Variants in MORC1 observed in about 807,000 individuals in gnomAD.
The protein encoded by MORC1 is MORC family CW-type zinc finger protein 1.
A neutral mutation model predicts 134.9 loss-of-function variants in MORC1; 59 were observed. That is an observed-to-expected ratio of 0.44 (90% CI 0.35 to 0.54). MORC1 has a LOEUF of 0.54. Among genes scored for constraint, MORC1 ranks in the 20% least tolerant of loss-of-function variants. The pLI is 0.00. For missense variants in MORC1, 947 were observed against 1,134.5 expected, an observed-to-expected ratio of 0.83 and a Z score of 2.37; for synonymous variants, 395 against 391.7, an observed-to-expected ratio of 1.01 and a Z score of -0.10.
chr3:109,039,842 C>T (rs922944173), intron 14 of MORC1, among the ~76,000 whole-genome samples: 3 of 152,144 alleles, frequency 2.0e-5, no homozygotes, highest in Non-Finnish European at 4.4e-5. Context: ...AAGCCCCTCC[C>T]CTTCTAGCTG....
At chr3:109,063,327 ATAAT>A in intron 9 of MORC1, 96 bp from the exon 10 acceptor site, 1 of 661,642 alleles carries the variant, frequency 1.5e-6, no homozygotes, top group Non-Finnish European at 2.4e-6. Context: ...CCAGAGATAC[ATAAT>A]TATTAAGAAA....
At chr3:108,977,922 G>A (rs1374011364) in intron 24 of MORC1, among the ~76,000 whole-genome samples, 1 of 152,126 alleles carries the variant, frequency 6.6e-6, no homozygotes, top group Non-Finnish European at 1.5e-5. Flanking sequence ...CTGTCACCCA[G>A]GCTGGAGTGC....
chr3:109,116,556 A>G (rs1200580248), intron 1 of MORC1, among the ~76,000 whole-genome samples: 1 of 152,172 alleles, frequency 6.6e-6, no homozygotes, highest in Non-Finnish European at 1.5e-5. Flanking sequence ...GGATCACCTG[A>G]GCTCAGGAGT....
Position 108,976,263 on chromosome 3 carries a change from CA to C in MORC1, c.2477+3251del, listed in dbSNP as rs1400206914. Among the ~76,000 whole-genome samples the C allele has an allele frequency of 2.6e-5, 4 of 152,184 alleles. No individual in the cohort carries two copies. The East Asian group carries it at 7.7e-4, about 29-fold the overall frequency. ...GGATGACGTCACGTCCAAAGTGACC[CA>C]AATGGAGGGAACACCCTTTATACTT... On this transcript the variant is annotated intron_variant, in intron 24 of 27. Coordinates refer to ENST00000232603, the MANE Select transcript of MORC1 (RefSeq NM_014429.4).
At chr3:108,982,582 A>AT (rs887978397) in intron 23 of MORC1, among the ~76,000 whole-genome samples, 4 of 66,910 alleles carry the variant, frequency 6.0e-5, no homozygotes, top group African/African-American at 2.9e-4. Context: ...CTGTCGTGGG[A>AT]TGGGGGGGGC....
At chr3:109,011,228 C>G (rs980991652) in intron 17 of MORC1, among the ~76,000 whole-genome samples, 2 of 151,896 alleles carry the variant, frequency 1.3e-5, no homozygotes, top group Non-Finnish European at 2.9e-5. Flanking sequence ...AAACAAAAAC[C>G]AAAACAAAAA....
At chr3:109,042,607 A>T (rs1949579163) in intron 14 of MORC1, among the ~76,000 whole-genome samples, 1 of 152,362 alleles carries the variant, frequency 6.6e-6, no homozygotes, top group Admixed American at 6.5e-5. Context: ...TGAAATCAGT[A>T]TGTTAAAGAG....
intron 17 of MORC1, among the ~76,000 whole-genome samples, chr3:109,026,677 T>A (rs1393796234): frequency 6.6e-6 from 1 of 152,208 alleles, no homozygotes; most frequent in African/African-American, 2.4e-5. Context: ...AAGATCTGAA[T>A]GTACCTAATT....
chr3:108,989,443 G>A (rs1947985208), intron 21 of MORC1, among the ~76,000 whole-genome samples: 1 of 152,076 alleles, frequency 6.6e-6, no homozygotes, highest in Non-Finnish European at 1.5e-5. Context: ...AGTTCTCCAA[G>A]GGATGTGATG....
intron 16 of MORC1, among the ~76,000 whole-genome samples, chr3:109,028,345 G>C (rs530924246): frequency 3.9e-5 from 6 of 152,028 alleles, no homozygotes; most frequent in Non-Finnish European, 8.8e-5. Flanking sequence ...TCACTGTGAA[G>C]ACCCGTGACT....
intron 23 of MORC1, 77 bp downstream of exon 23, chr3:108,984,639 G>T (rs1292676927): frequency 3.5e-5 from 38 of 1,099,574 alleles, no homozygotes; most frequent in Non-Finnish European, 4.9e-5. Flanking sequence ...CTTTCTTCTT[G>T]TATTTAAACA....
At chr3:109,065,223 C>G (rs1950170228) in intron 9 of MORC1, among the ~76,000 whole-genome samples, 1 of 151,980 alleles carries the variant, frequency 6.6e-6, no homozygotes. Context: ...TCAAGTAATG[C>G]CACTCCTCTG....
intron 14 of MORC1, among the ~76,000 whole-genome samples, chr3:109,039,007 C>A (rs1949448398): frequency 6.6e-6 from 1 of 152,138 alleles, no homozygotes; most frequent in African/African-American, 2.4e-5. Context: ...ACCTCTGCCT[C>A]CTGGGTTCAA....
chr3:108,989,586 A>C (rs945346917), intron 21 of MORC1, among the ~76,000 whole-genome samples: 3 of 152,220 alleles, frequency 2.0e-5, no homozygotes, highest in African/African-American at 4.8e-5. Context: ...CATTGCTGTT[A>C]AGGAAACTTA....
At chr3:109,102,715 A>C (rs1950952847) in intron 4 of MORC1, among the ~76,000 whole-genome samples, 1 of 152,196 alleles carries the variant, frequency 6.6e-6, no homozygotes, top group Non-Finnish European at 1.5e-5. Flanking sequence ...GCTTCTTTTC[A>C]TAAGGAATTC....
intron 14 of MORC1, among the ~76,000 whole-genome samples, chr3:109,042,852 T>C (rs1344275722): frequency 6.6e-6 from 1 of 152,056 alleles, no homozygotes; most frequent in Admixed American, 6.6e-5. Context: ...GTATATTTCA[T>C]TTATATGTGA....
chr3:109,104,110 A>C lies in MORC1; in HGVS notation c.155-193T>G, dbSNP rs75344397. Reference sequence around the variant, plus strand: ...AACTGCAGGGGAAAAATAATCATGCAACATAAAGGCTTTAAATTAACACAA... The same window carrying C: ...AACTGCAGGGGAAAAATAATCATGCCACATAAAGGCTTTAAATTAACACAA... On this transcript the variant is annotated intron_variant, in intron 3 of 27. Transcript: ENST00000232603. Among the ~76,000 whole-genome samples, 459 of 152,340 alleles carry C rather than the reference A, an allele frequency of 3.0e-3. 13 individuals are homozygous for C. In the East Asian group the frequency reaches 0.073, roughly 24 times the overall value.
At chr3:109,025,176 T>C (rs923431028) in intron 17 of MORC1, among the ~76,000 whole-genome samples, 1 of 152,074 alleles carries the variant, frequency 6.6e-6, no homozygotes, top group African/African-American at 2.4e-5. Flanking sequence ...CTGAGTTTAA[T>C]TTTTAAAATA....
chr3:109,033,397 T>C (rs1949290412), intron 15 of MORC1, among the ~76,000 whole-genome samples: 1 of 152,152 alleles, frequency 6.6e-6, no homozygotes, highest in Non-Finnish European at 1.5e-5. Flanking sequence ...TTTCTTCTGT[T>C]CTTATTCCCC....
Sources: allele counts gnomAD v4.1 joint callset (sites outside exome capture counted in the v4.1 genomes callset), GRCh38; gene constraint gnomAD v4.1.1; transcripts MANE v1.5; gene names NCBI Gene and HGNC (gene_info 2026-07-23, HGNC 2026-07-21).